Variants in CFAP52 observed in about 807,000 individuals in gnomAD.
CFAP52 encodes the protein cilia and flagella associated protein 52, also known as cilia- and flagella-associated protein 52.
In CFAP52, 57 loss-of-function variants were observed where a neutral mutation model predicts 70.5. That is an observed-to-expected ratio of 0.81 (90% CI 0.65 to 1.01). The LOEUF (loss-of-function observed/expected upper bound fraction) is 1.01, where lower values mean the gene tolerates loss of function less well. CFAP52 is among the 50% of genes least tolerant of loss of function. The pLI is 0.00. For synonymous variants in CFAP52, 267 were observed against 292.5 expected (o/e 0.91, Z 0.89); for missense variants, 785 against 788.5 (o/e 1.00, Z 0.05).
At chr17:9,599,827 T>C (rs1341660541) in intron 5 of CFAP52, among the ~76,000 whole-genome samples, 1 of 152,016 alleles carries the variant, frequency 6.6e-6, no homozygotes, top group Non-Finnish European at 1.5e-5. Context: ...CTGCAACCTC[T>C]GCCTCCTGAG....
intron 10 of CFAP52, among the ~76,000 whole-genome samples, chr17:9,634,551 T>C (rs1200568951): frequency 6.6e-6 from 1 of 150,662 alleles, no homozygotes; most frequent in South Asian, 2.1e-4. Context: ...CGCCATTGCA[T>C]TGCACTCCAG....
intron 1 of CFAP52, among the ~76,000 whole-genome samples, chr17:9,584,721 C>T (rs1160481099): frequency 6.6e-6 from 1 of 151,748 alleles, no homozygotes; most frequent in Admixed American, 6.6e-5. Context: ...TCGTGGGTTC[C>T]AGTGATTCTC....
chr17:9,584,331 A>G (rs1405074772), intron 1 of CFAP52: 2 of 1,290,552 alleles, frequency 1.5e-6, no homozygotes, highest in Admixed American at 4.6e-5. Context: ...CTGTGGAAAG[A>G]GGTGTCACCA....
intron 3 of CFAP52, among the ~76,000 whole-genome samples, chr17:9,591,182 C>T (rs1028187164): frequency 3.3e-5 from 5 of 149,906 alleles, no homozygotes; most frequent in Non-Finnish European, 5.9e-5. Context: ...GGATTACAGG[C>T]ATGCACCACC....
intron 8 of CFAP52, among the ~76,000 whole-genome samples, chr17:9,613,611 C>T (rs1909792816): frequency 6.6e-6 from 1 of 151,638 alleles, no homozygotes; most frequent in Admixed American, 6.6e-5. Flanking sequence ...TCTGCCTCCT[C>T]GATTCAAGCG....
intron 11 of CFAP52, among the ~76,000 whole-genome samples, chr17:9,635,950 A>G (rs1350779649): frequency 6.6e-6 from 1 of 151,988 alleles, no homozygotes; most frequent in Non-Finnish European, 1.5e-5. Context: ...AGGTGGGCAG[A>G]TCACCTGAGG....
At chr17:9,584,036 T>C (rs796778857) in intron 1 of CFAP52, 1 of 242,322 alleles carries the variant, frequency 4.1e-6, no homozygotes, top group Non-Finnish European at 7.0e-6. Context: ...GATCAAAGCA[T>C]TTTTGTGAAA....
chr17:9,633,081 T>G (rs1910627324), intron 10 of CFAP52, 48 bp downstream of exon 10: 1 of 1,581,800 alleles, frequency 6.3e-7, no homozygotes, highest in East Asian at 2.3e-5. Context: ...TTAGAACAAC[T>G]GCCCTATAGG....
chr17:9,631,094 AAG>A (rs1209929999), intron 9 of CFAP52, among the ~76,000 whole-genome samples: 21 of 146,378 alleles, frequency 1.4e-4, no homozygotes, highest in African/African-American at 4.9e-4. Context: ...GAAAGAAAGA[AAG>A]AGAAAGAAAG....
intron 9 of CFAP52, 55 bp downstream of exon 9, chr17:9,628,875 T>C (rs1910341727): frequency 1.2e-6 from 2 of 1,609,410 alleles, no homozygotes; most frequent in Non-Finnish European, 1.7e-6. Context: ...TTTTGATTCT[T>C]GTCACTCTCC....
intron 11 of CFAP52, among the ~76,000 whole-genome samples, chr17:9,637,043 T>C (rs1268906973): frequency 6.6e-6 from 1 of 151,872 alleles, no homozygotes; most frequent in Non-Finnish European, 1.5e-5. Flanking sequence ...AGACTTCGTA[T>C]CAAAAAAGCA....
rs182083236 is a variant in CFAP52, at chr17:9,592,076, T to C, written c.408-2117T>C. Among the ~76,000 whole-genome samples the C allele has an allele frequency of 2.8e-4, 42 of 152,122 alleles. 1 individual carries two copies. The highest frequency in any genetic ancestry group is 9.2e-4 in the African/African-American group (38 of 41,498). Reference sequence around the variant, plus strand: ...TTTCACATATCATAAAATTGACCCGTGTTAAGGTGTACAGTTGAGTGGTTT... The same window carrying C: ...TTTCACATATCATAAAATTGACCCGCGTTAAGGTGTACAGTTGAGTGGTTT... On this transcript the variant is annotated intron_variant, in intron 3 of 13. Coordinates refer to ENST00000352665, the MANE Select transcript of CFAP52 (RefSeq NM_145054.5).
At chr17:9,591,925 T>C (rs979782370) in intron 3 of CFAP52, among the ~76,000 whole-genome samples, 1 of 152,120 alleles carries the variant, frequency 6.6e-6, no homozygotes, top group African/African-American at 2.4e-5. Context: ...CGGCCATGGC[T>C]TATAAAGAAA....
At chr17:9,595,898 A>G (rs1359720504) in intron 4 of CFAP52, among the ~76,000 whole-genome samples, 1 of 141,270 alleles carries the variant, frequency 7.1e-6, no homozygotes, top group African/African-American at 2.7e-5. Context: ...CTCTTTGTTT[A>G]AAAAAAAAAA....
At chr17:9,610,335 A>G (rs1319143133) in intron 7 of CFAP52, 3 of 152,210 alleles carry the variant, frequency 2.0e-5, no homozygotes, top group Admixed American at 2.0e-4. Flanking sequence ...CAAAGTAATT[A>G]TCACCAGGTT....
At chr17:9,634,963 G>T (rs1910708822) in intron 10 of CFAP52, among the ~76,000 whole-genome samples, 2 of 152,148 alleles carry the variant, frequency 1.3e-5, no homozygotes. Flanking sequence ...GGGAACCATT[G>T]CTTTTAAATG....
intron 4 of CFAP52, among the ~76,000 whole-genome samples, chr17:9,594,945 C>T (rs1208336716): frequency 3.0e-5 from 4 of 132,090 alleles, no homozygotes; most frequent in Admixed American, 9.0e-5. Context: ...GGCTGTAGTG[C>T]GGTGGCATGA....
chr17:9,638,681 C>T lies in CFAP52; in HGVS notation c.1545C>T (p.Phe515=). The part of the protein sequence containing the change: ...FQCVCYHPEE[F]QIITSGTDRK... ...GTGTGTGCTATCACCCTGAGGAGTT[C>T]CAGATCATCACCAGCGGAACAGACA... The change falls in exon 12 of 14, where the codon TTC becomes TTT. Residue 515 remains phenylalanine, a synonymous_variant. Transcript: ENST00000352665. 6.2e-7 allele frequency: 1 copy of T among 1,614,168 alleles called. No homozygotes were observed. The highest frequency in any genetic ancestry group is 2.2e-5 in the East Asian group (1 of 44,876).
intron 8 of CFAP52, among the ~76,000 whole-genome samples, chr17:9,627,379 C>T (rs1246479335): frequency 2.0e-5 from 3 of 152,014 alleles, no homozygotes; most frequent in Non-Finnish European, 4.4e-5. Context: ...GACATGGTGG[C>T]ACATGCCTGT....
Sources: allele counts gnomAD v4.1 joint callset (sites outside exome capture counted in the v4.1 genomes callset), GRCh38; gene constraint gnomAD v4.1.1; transcripts MANE v1.5; gene names NCBI Gene and HGNC (gene_info 2026-07-23, HGNC 2026-07-21).